The following GNAQ variants were observed in gnomAD, a reference collection of about 807,000 sequenced individuals.
The protein encoded by GNAQ is G protein subunit alpha q.
GNAQ carries 8 observed loss-of-function variants against 43.9 expected under a neutral mutation model. That is an observed-to-expected ratio of 0.18 (90% CI 0.11 to 0.33). The LOEUF is 0.33. Ranked by LOEUF, GNAQ falls within the 10% of genes least tolerant of loss-of-function variation. The pLI, the probability that GNAQ is intolerant of heterozygous loss-of-function variation, is 1.00. For synonymous variants in GNAQ, 155 were observed against 170.7 expected, an observed-to-expected ratio of 0.91 and a Z score of 0.71; for missense variants, 158 against 450.8, an observed-to-expected ratio of 0.35 and a Z score of 5.88.
In GNAQ at chr9:77,820,953, C is replaced by T. The variant is rs564889976; in HGVS notation, c.322-5183G>A. ...TAATTACTATGAAATCTTGTGGTAT[C>T]TCAAAAGTACCATTAATAATTATTT... is the stretch of plus-strand genomic sequence containing the variant. On this transcript the variant is annotated intron_variant, in intron 2 of 6. Transcript: ENST00000286548. Among the ~76,000 whole-genome samples, 6 of 152,234 alleles carry T rather than the reference C, an allele frequency of 3.9e-5. No individual in the cohort carries two copies. In the South Asian group the frequency reaches 1.2e-3, roughly 32 times the overall value.
At chr9:77,744,285 CTG>C (rs1439706957) in intron 5 of GNAQ, among the ~76,000 whole-genome samples, 7 of 152,302 alleles carry the variant, frequency 4.6e-5, no homozygotes, top group African/African-American at 1.7e-4. Flanking sequence ...CCAGGACTAA[CTG>C]TGGGAAGAAT....
chr9:77,822,690 T>C (rs1235399055), intron 2 of GNAQ, among the ~76,000 whole-genome samples: 2 of 151,084 alleles, frequency 1.3e-5, no homozygotes, highest in Non-Finnish European at 2.9e-5. Flanking sequence ...GAATATCATC[T>C]TTCTGGAACA....
rs540685238 is a variant in GNAQ, at chr9:77,919,982, T to C, written c.321+2179A>G. On this transcript the variant is annotated intron_variant, in intron 2 of 6. Coordinates refer to ENST00000286548, the MANE Select transcript of GNAQ (RefSeq NM_002072.5). ...GGTGAAACCCCGTCTCTACTAAAAA[T>C]ATAAAAATTAGCTGGGCATGGTGGT... 2.8e-4 allele frequency among the ~76,000 whole-genome samples: 43 copies of C among 152,068 alleles called. No homozygotes were observed. The East Asian group carries it at 7.6e-3, about 27-fold the overall frequency.
At chr9:77,837,800 C>T (rs1001552020) in intron 2 of GNAQ, among the ~76,000 whole-genome samples, 1 of 150,660 alleles carries the variant, frequency 6.6e-6, no homozygotes, top group African/African-American at 2.4e-5. Flanking sequence ...AGAAATACAG[C>T]AAAATATTAA....
intron 2 of GNAQ, among the ~76,000 whole-genome samples, chr9:77,844,742 G>A (rs1827551382): frequency 1.3e-5 from 2 of 151,728 alleles, no homozygotes; most frequent in South Asian, 4.2e-4. Context: ...GCATGATCTC[G>A]GCTTACTGCA....
chr9:78,030,916 T>C (rs1824047950), intron 1 of GNAQ, among the ~76,000 whole-genome samples, 184 bp downstream of exon 1: 1 of 151,024 alleles, frequency 6.6e-6, no homozygotes, highest in Non-Finnish European at 1.5e-5. Flanking sequence ...TGTGTGTGTG[T>C]GTGTCTGTGT....
At chr9:78,015,222 C>T (rs1823824343) in intron 1 of GNAQ, among the ~76,000 whole-genome samples, 4 of 152,226 alleles carry the variant, frequency 2.6e-5, no homozygotes, top group Non-Finnish European at 5.9e-5. Context: ...AGTACAATAA[C>T]ATGCTTTACA....
At chr9:77,984,992 ACTAGTTCCCC>A (rs1823415568) in intron 1 of GNAQ, among the ~76,000 whole-genome samples, 1 of 152,156 alleles carries the variant, frequency 6.6e-6, no homozygotes, top group South Asian at 2.1e-4. Context: ...ATGGACATAC[ACTAGTTCCCC>A]CTACATGGTT....
intron 2 of GNAQ, among the ~76,000 whole-genome samples, chr9:77,894,280 C>T (rs1828450983): frequency 1.6e-5 from 1 of 63,126 alleles, no homozygotes; most frequent in Non-Finnish European, 2.8e-5. Context: ...AGCAGTATTG[C>T]TAATAATACA....
intron 1 of GNAQ, among the ~76,000 whole-genome samples, chr9:77,976,321 A>T (rs1158414995): frequency 6.6e-6 from 1 of 152,212 alleles, no homozygotes. Context: ...ACCAGTGGTA[A>T]AAATTGGCAG....
chr9:77,914,181 A>G (rs1460039225), intron 2 of GNAQ, among the ~76,000 whole-genome samples: 2 of 152,242 alleles, frequency 1.3e-5, no homozygotes, highest in Non-Finnish European at 2.9e-5. Flanking sequence ...AGTATCTGCA[A>G]GATATTAAAA....
At position 77,718,509 on chromosome 9, in the gene GNAQ, T is replaced by C. The variant is rs1197765754; in HGVS notation, c.*2814A>G. ...GAACAGCGAAGCCACAAACCTCAAT[T>C]CTGCATAGCAAATTCCATCCCAATT... On this transcript the variant is annotated 3_prime_UTR_variant, in exon 7 of 7. Transcript: ENST00000286548. 2 of 232,488 alleles carry C rather than the reference T, an allele frequency of 8.6e-6. No homozygotes were observed. Among genetic ancestry groups the C allele is most frequent in the African/African-American group, 4.4e-5 (2 of 45,294 alleles). The allele number at this position is 232,488 out of a possible 1,614,324, so 14.4% of individuals were successfully genotyped here.
intron 2 of GNAQ, among the ~76,000 whole-genome samples, chr9:77,853,998 A>G (rs1465590311): frequency 1.3e-5 from 2 of 152,116 alleles, no homozygotes; most frequent in Non-Finnish European, 2.9e-5. Flanking sequence ...TAGGGGCTCA[A>G]ACTATTTTTG....
intron 1 of GNAQ, among the ~76,000 whole-genome samples, chr9:77,997,811 T>C (rs1249253184): frequency 2.6e-5 from 4 of 152,194 alleles, no homozygotes; most frequent in African/African-American, 7.2e-5. Context: ...GGCACCACTG[T>C]GTCTCGTCCC....
chr9:77,752,589 A>G (rs1825828143), intron 5 of GNAQ, among the ~76,000 whole-genome samples: 1 of 152,188 alleles, frequency 6.6e-6, no homozygotes, highest in African/African-American at 2.4e-5. Flanking sequence ...TTTCTGGTGA[A>G]GCCAAGACTA....
At chr9:78,013,679 T>C (rs1823802528) in intron 1 of GNAQ, among the ~76,000 whole-genome samples, 2 of 152,100 alleles carry the variant, frequency 1.3e-5, no homozygotes, top group Admixed American at 1.3e-4. Flanking sequence ...AATTTGTCTA[T>C]AACAGACAGG....
intron 5 of GNAQ, among the ~76,000 whole-genome samples, chr9:77,742,033 A>G (rs1045733639): frequency 3.3e-5 from 5 of 152,208 alleles, no homozygotes; most frequent in African/African-American, 1.2e-4. Flanking sequence ...TCCATGTTCT[A>G]TTACCAGTGC....
rs542474357 is a variant in GNAQ at position 77,919,071 on chromosome 9, C to T, written c.321+3090G>A. Reference sequence around the variant, plus strand: ...AGTAGCTGGGATTACAGGCATGTGCCACCACGCCTGGCTAATTTTTGTATT... The same window carrying T: ...AGTAGCTGGGATTACAGGCATGTGCTACCACGCCTGGCTAATTTTTGTATT... On this transcript the variant is annotated intron_variant, in intron 2 of 6. Coordinates refer to ENST00000286548, the MANE Select transcript of GNAQ (RefSeq NM_002072.5). 1.4e-3 allele frequency among the ~76,000 whole-genome samples: 208 copies of T among 152,206 alleles called. 1 individual carries two copies. Among genetic ancestry groups the T allele is most frequent in the Middle Eastern group, 3.4e-3 (1 of 294 alleles).
intron 2 of GNAQ, among the ~76,000 whole-genome samples, chr9:77,830,628 A>C (rs1587936150): frequency 6.6e-6 from 1 of 152,200 alleles, no homozygotes; most frequent in Non-Finnish European, 1.5e-5. Context: ...TTGTCATCAC[A>C]AGGGGCTGAA....
Sources: gnomAD v4.1 joint callset for allele counts (sites outside exome capture counted in the v4.1 genomes callset) on GRCh38, gnomAD v4.1.1 for gene constraint, MANE v1.5 for transcripts, NCBI Gene and HGNC (gene_info 2026-07-23, HGNC 2026-07-21) for gene names.